RBPMS: variants seen among roughly 807,000 people sequenced by gnomAD.
RBPMS encodes the protein RNA binding protein, mRNA processing factor, also known as RNA-binding protein with multiple splicing.
Under a neutral mutation model 26.8 loss-of-function variants are expected in RBPMS, and 7 were observed. That is an observed-to-expected ratio of 0.26 (90% CI 0.15 to 0.49). The LOEUF (loss-of-function observed/expected upper bound fraction) is 0.49, where lower values mean the gene tolerates loss of function less well. Ranked by LOEUF, RBPMS falls within the 20% of genes least tolerant of loss-of-function variation. RBPMS has a pLI of 0.98. For missense variants in RBPMS, 186 were observed against 250.0 expected (o/e 0.74, Z 1.73); for synonymous variants, 96 against 93.3 (o/e 1.03, Z -0.17).
chr8:30,451,920 AT>A (rs1471682295), intron 1 of RBPMS, among the ~76,000 whole-genome samples: 7 of 152,258 alleles, frequency 4.6e-5, no homozygotes, highest in African/African-American at 1.4e-4. Flanking sequence ...TTTCTATCAT[AT>A]TTCAGCCACA....
chr8:30,508,437 T>C (rs956076295), intron 5 of RBPMS, among the ~76,000 whole-genome samples: 25 of 152,246 alleles, frequency 1.6e-4, no homozygotes, highest in South Asian at 2.1e-4. Flanking sequence ...CTAACCTCTC[T>C]GTGTCTCAGT....
At chr8:30,556,237 A>G (rs1482873601) in intron 6 of RBPMS, 2 of 985,082 alleles carry the variant, frequency 2.0e-6, no homozygotes, top group East Asian at 1.1e-4. Flanking sequence ...TGGCGTCCTC[A>G]CTCCTCAGCT....
rs141273558 is a variant in RBPMS at position 30,547,583 on chromosome 8, C to CT, written c.528+2960dup. ...AATTTTGGAGCAAAGGTGTTACTCT[C>CT]TGACTGAGGTTTTGGGAGAATTGGG... On this transcript the variant is annotated intron_variant, in intron 6 of 8. Coordinates refer to ENST00000397323, the MANE Select transcript of RBPMS (RefSeq NM_001008710.3). 2,756 of 1,068,730 alleles carry CT rather than the reference C, an allele frequency of 2.6e-3. 54 individuals are homozygous for CT. The African/African-American group carries it at 0.038, about 15-fold the overall frequency. 66.2% of individuals were successfully genotyped at this position (1,068,730 alleles called of 1,614,324 possible).
At chr8:30,453,953 C>T (rs1814911110) in intron 1 of RBPMS, 1 of 152,144 alleles carries the variant, frequency 6.6e-6, no homozygotes, top group Non-Finnish European at 1.5e-5. Context: ...ATCCCCAGAT[C>T]GACTGAATCA....
chr8:30,461,553 C>T (rs189874137), intron 1 of RBPMS, among the ~76,000 whole-genome samples: 149 of 152,216 alleles, frequency 9.8e-4, no homozygotes, highest in African/African-American at 3.4e-3. Flanking sequence ...TGCCACCACG[C>T]CCTGCTAATT....
intron 7 of RBPMS, among the ~76,000 whole-genome samples, chr8:30,559,376 C>T (rs1225541196): frequency 1.3e-5 from 2 of 152,228 alleles, no homozygotes; most frequent in Admixed American, 6.5e-5. Context: ...AGTTTCCCTG[C>T]ATACATCATA....
intron 2 of RBPMS, among the ~76,000 whole-genome samples, chr8:30,476,729 G>T (rs776838418): frequency 1.5e-4 from 23 of 152,166 alleles, no homozygotes; most frequent in African/African-American, 5.3e-4. Context: ...GGTCAATCAC[G>T]TCAAGTGGTG....
At chr8:30,507,836 T>C (rs1821222012) in intron 5 of RBPMS, among the ~76,000 whole-genome samples, 1 of 152,218 alleles carries the variant, frequency 6.6e-6, no homozygotes, top group African/African-American at 2.4e-5. Flanking sequence ...GTGATGATGC[T>C]GTGTGCCAGA....
intron 4 of RBPMS, among the ~76,000 whole-genome samples, chr8:30,495,280 G>T (rs111957979): frequency 7.3e-4 from 94 of 129,004 alleles, no homozygotes; most frequent in African/African-American, 3.2e-3. Context: ...AATTATGAAG[G>T]TTTTTTTTTT....
intron 1 of RBPMS, among the ~76,000 whole-genome samples, chr8:30,439,475 T>C (rs1812829329): frequency 6.6e-6 from 1 of 152,214 alleles, no homozygotes; most frequent in African/African-American, 2.4e-5. Flanking sequence ...AAACTTTGAA[T>C]AGGCTGACTT....
intron 1 of RBPMS, among the ~76,000 whole-genome samples, chr8:30,463,255 C>T (rs890035067): frequency 1.3e-5 from 2 of 152,214 alleles, no homozygotes; most frequent in African/African-American, 4.8e-5. Context: ...TAGCAAATTA[C>T]CCCAAATTTA....
intron 1 of RBPMS, among the ~76,000 whole-genome samples, chr8:30,464,687 G>A (rs1213891173): frequency 6.6e-6 from 1 of 152,210 alleles, no homozygotes; most frequent in Non-Finnish European, 1.5e-5. Flanking sequence ...TAGTTTGAGA[G>A]ATGTGAAATG....
intron 4 of RBPMS, among the ~76,000 whole-genome samples, chr8:30,489,883 T>C (rs1241654496): frequency 6.6e-6 from 1 of 152,022 alleles, no homozygotes; most frequent in East Asian, 1.9e-4. Flanking sequence ...CGATGTTGGC[T>C]CACTGCAACC....
At chr8:30,486,620 G>A (rs1312182459) in intron 4 of RBPMS, among the ~76,000 whole-genome samples, 2 of 146,004 alleles carry the variant, frequency 1.4e-5, no homozygotes, top group African/African-American at 2.5e-5. Context: ...GCGATGGAGT[G>A]AGACTCTCTC....
At chr8:30,547,322 C>T (rs1351734125) in intron 6 of RBPMS, 1 of 1,613,232 alleles carries the variant, frequency 6.2e-7, no homozygotes, top group South Asian at 1.1e-5. Flanking sequence ...GCCCAACACA[C>T]CTGTCTTTTG....
intron 6 of RBPMS, among the ~76,000 whole-genome samples, chr8:30,548,924 G>C (rs1346854759): frequency 6.6e-6 from 1 of 152,258 alleles, no homozygotes; most frequent in Admixed American, 6.5e-5. Flanking sequence ...TTGGTGTCGG[G>C]TATGTTTTGA....
chr8:30,513,871 A>G (rs1445345835), intron 5 of RBPMS, among the ~76,000 whole-genome samples: 1 of 152,080 alleles, frequency 6.6e-6, no homozygotes, highest in Non-Finnish European at 1.5e-5. Context: ...CCCTTTTGTA[A>G]TCCTCAAATA....
At chr8:30,432,938 G>A (rs753758728) in intron 1 of RBPMS, among the ~76,000 whole-genome samples, 1 of 152,194 alleles carries the variant, frequency 6.6e-6, no homozygotes, top group Non-Finnish European at 1.5e-5. Context: ...ACAGGGTCTG[G>A]AAGCAACTTT....
In RBPMS at chr8:30,482,316, G is replaced by A. The variant is rs151158827; in HGVS notation, c.246+2939G>A. Among the ~76,000 whole-genome samples the A allele has an allele frequency of 5.9e-5, 9 of 152,214 alleles. No homozygotes were observed. The East Asian group carries it at 1.7e-3, about 29-fold the overall frequency. ...ACCTTTGGAGAGAGAATTCAATATT[G>A]TAATGTTTTGTTTTATTCCACTATT... On this transcript the variant is annotated intron_variant, in intron 4 of 8. Transcript: ENST00000397323.
Sources: gnomAD v4.1 joint callset for allele counts (sites outside exome capture counted in the v4.1 genomes callset) on GRCh38, gnomAD v4.1.1 for gene constraint, MANE v1.5 for transcripts, NCBI Gene and HGNC (gene_info 2026-07-23, HGNC 2026-07-21) for gene names.